Variants in ARHGAP30 observed in about 807,000 individuals in gnomAD.
ARHGAP30 encodes rho GTPase-activating protein 30.
ARHGAP30 carries 23 observed loss-of-function variants against 72.0 expected under a neutral mutation model. That is an observed-to-expected ratio of 0.32 (90% CI 0.23 to 0.45). ARHGAP30 has a LOEUF of 0.45. Ranked by LOEUF, ARHGAP30 falls within the 20% of genes least tolerant of loss-of-function variation. The pLI is 1.00. For synonymous variants in ARHGAP30, 576 were observed against 528.2 expected, an observed-to-expected ratio of 1.09 and a Z score of -1.24; for missense variants, 1,319 against 1,383.4, an observed-to-expected ratio of 0.95 and a Z score of 0.74.
intron 1 of ARHGAP30, among the ~76,000 whole-genome samples, chr1:161,063,446 A>G (rs561933690): frequency 3.7e-4 from 57 of 152,330 alleles, no homozygotes; most frequent in Non-Finnish European, 7.1e-4. Context: ...CACTTCCCCA[A>G]TCAATACCCT....
chr1:161,060,268 T>C, intron 1 of ARHGAP30: 1 of 370,516 alleles, frequency 2.7e-6, no homozygotes, highest in Non-Finnish European at 5.0e-6. Context: ...AGACCCTGTT[T>C]CAAAAAAAAA....
rs1651552685 is a variant in ARHGAP30 at position 161,053,243 on chromosome 1, A to G, written c.664+15T>C. On this transcript the variant is annotated intron_variant, in intron 6 of 11. Coordinates refer to ENST00000368013, the MANE Select transcript of ARHGAP30 (RefSeq NM_001025598.2). Reference sequence around the variant, plus strand: ...CCCAACAGTGGGATATGTGGAGGGCAGGAAGGACACTGACCAGAGAGGGCA... The same window carrying G: ...CCCAACAGTGGGATATGTGGAGGGCGGGAAGGACACTGACCAGAGAGGGCA... 1.2e-6 allele frequency: 2 copies of G among 1,613,606 alleles called. No homozygotes were observed. Among genetic ancestry groups the G allele is most frequent in the Non-Finnish European group, 8.5e-7 (1 of 1,179,848 alleles).
intron 5 of ARHGAP30, 110 bp from the exon 6 acceptor site, chr1:161,053,495 T>TCTCTC (rs1651591592): frequency 1.1e-6 from 1 of 918,890 alleles, no homozygotes; most frequent in Non-Finnish European, 1.4e-6. Context: ...TCTCTCTCTC[T>TCTCTC]CTCTCTCTCT....
Position 161,052,505 on chromosome 1 carries a change from A to C in ARHGAP30, c.875T>G (p.Ile292Ser). The change falls in exon 8 of 12, where the codon ATC (isoleucine) becomes AGC (serine). Residue 292 changes from isoleucine to serine, a missense_variant. This residue lies in a region of ARHGAP30 where 1,097 missense variants were observed against 1,045.2 expected (regional missense o/e 1.05). Transcript: ENST00000368013. ...ATGGCCAGAGCGACCTAAATTGAAG[A>C]TAGACCTCCACTTCCTGACCTTCAA... Reference protein sequence around the residue: ...GSLKVRKWRSIFNLGRSGHET... With the variant: ...GSLKVRKWRSSFNLGRSGHET... 6.2e-7 allele frequency: 1 copy of C among 1,613,828 alleles called. No individual in the cohort carries two copies. The highest frequency in any genetic ancestry group is 8.5e-7 in the Non-Finnish European group (1 of 1,179,996).
chr1:161,049,388 C>T (rs200537305), intron 11 of ARHGAP30, 36 bp downstream of exon 11: 5 of 1,598,264 alleles, frequency 3.1e-6, no homozygotes, highest in Non-Finnish European at 3.4e-6. Context: ...ACCCTTGACT[C>T]CATGCCACCC....
rs1180591832 is a variant in ARHGAP30, at chr1:161,047,032, G to A, written c.*683C>T. The A allele has an allele frequency of 2.2e-6, 1 of 462,550 alleles. No homozygotes were observed. The highest frequency in any genetic ancestry group is 2.0e-5 in the African/African-American group (1 of 49,386). The allele number at this position is 462,550 out of a possible 1,614,324, so 28.7% of individuals were successfully genotyped here. On this transcript the variant is annotated 3_prime_UTR_variant, in exon 12 of 12. Transcript: ENST00000368013. Reference sequence around the variant, plus strand: ...AGCCTGGCTGGAGAAGCAGTCCCAGGGCCTGAGTGACACCATTTCCCTTTC... The same window carrying A: ...AGCCTGGCTGGAGAAGCAGTCCCAGAGCCTGAGTGACACCATTTCCCTTTC...
chr1:161,065,865 C>T lies in ARHGAP30; in HGVS notation c.97+3663G>A, dbSNP rs535030643. On this transcript the variant is annotated intron_variant, in intron 1 of 11. Coordinates refer to ENST00000368013, the MANE Select transcript of ARHGAP30 (RefSeq NM_001025598.2). ...TACAGGCGTGAGCCACTGCACCCGG[C>T]CCCTTATTTATTTATTTATTTATTT... 1.1e-4 allele frequency among the ~76,000 whole-genome samples: 16 copies of T among 141,494 alleles called. No individual in the cohort carries two copies. In the East Asian group the frequency reaches 1.8e-3, roughly 16 times the overall value. 92.8% of individuals were successfully genotyped at this position (141,494 alleles called of 152,430 possible). A position where few individuals can be genotyped will look rare whatever the true frequency, so the allele number is the denominator to read the frequency against.
intron 2 of ARHGAP30, among the ~76,000 whole-genome samples, chr1:161,058,207 G>A (rs1211651190): frequency 1.3e-5 from 2 of 151,984 alleles, no homozygotes; most frequent in Non-Finnish European, 2.9e-5. Flanking sequence ...AGCTACTCGG[G>A]AGGCTGAGGC....
rs1370582465 is a variant in ARHGAP30 at position 161,069,346 on chromosome 1, T to C, written c.97+182A>G. Reference sequence around the variant, plus strand: ...AGAAAGTTACACAAGGGAGCCGCCCTGCCTTCTTCACTGAGCCACATTTCC... The same window carrying C: ...AGAAAGTTACACAAGGGAGCCGCCCCGCCTTCTTCACTGAGCCACATTTCC... On this transcript the variant is annotated intron_variant, in intron 1 of 11. Transcript: ENST00000368013. The surrounding 1 kb of genome is among the most constrained non-coding windows in gnomAD (Gnocchi z 4.9). Among the ~76,000 whole-genome samples the C allele has an allele frequency of 1.3e-5, 2 of 152,112 alleles. No homozygotes were observed.
At chr1:161,051,887 C>G (rs1261797995) in intron 9 of ARHGAP30, among the ~76,000 whole-genome samples, 172 bp from the exon 10 acceptor site, 2 of 152,124 alleles carry the variant, frequency 1.3e-5, no homozygotes, top group Non-Finnish European at 2.9e-5. Flanking sequence ...TTTCACCCAG[C>G]CAGTAGGTCA....
rs149661287 is a variant in ARHGAP30, at chr1:161,052,444, G to C, written c.936C>G (p.Asp312Glu). Residue 312 changes from aspartate (D) to glutamate (E), a missense_variant, in exon 8 of 12, where the codon GAC becomes GAG. Physicochemically the swap from Asp to Glu is conservative, Grantham distance 45. Transcript: ENST00000368013. ...TKRKLPRGAE[D>E]REDKSNKGTL... The stretch of plus-strand genomic sequence containing the variant: ...CCCCCATCTCCCCAGACTTACCCCT[G>C]TCCTCAGCCCCCCGTGGAAGTTTAC... 6.2e-7 allele frequency: 1 copy of C among 1,613,098 alleles called. No homozygotes were observed. The highest frequency in any genetic ancestry group is 1.3e-5 in the African/African-American group (1 of 74,562).
rs778489017 is a variant in ARHGAP30, at chr1:161,051,303, T to C, written c.1420+11A>G. 2 of 1,570,344 alleles carry C rather than the reference T, an allele frequency of 1.3e-6. No homozygotes were observed. The highest frequency in any genetic ancestry group is 2.7e-5 in the African/African-American group (2 of 73,650). On this transcript the variant is annotated intron_variant, in intron 10 of 11. Transcript: ENST00000368013. ...CCCTTTCCTAGTCTTGGTCAATCAA[T>C]GGGTCCTCACCTGGGGGGCCAGGGC...
intron 1 of ARHGAP30, among the ~76,000 whole-genome samples, chr1:161,064,819 G>GA (rs1437768324): frequency 8.2e-5 from 5 of 60,638 alleles, no homozygotes; most frequent in Admixed American, 1.7e-4. Flanking sequence ...AAGAAAGAAA[G>GA]AAAGAAAGAA....
chr1:161,059,554 T>C, intron 2 of ARHGAP30, 60 bp downstream of exon 2: 2 of 1,449,234 alleles, frequency 1.4e-6, no homozygotes, highest in Non-Finnish European at 1.9e-6. Context: ...CAACTCTTAC[T>C]GTGACCTTCT....
intron 11 of ARHGAP30, 37 bp from the exon 12 acceptor site, chr1:161,049,371 C>T (rs1460757636): frequency 5.0e-6 from 8 of 1,600,866 alleles, no homozygotes; most frequent in East Asian, 2.2e-5. Context: ...ACCAGGAGGC[C>T]CTGTCCACCC....
At chr1:161,060,006 G>T (rs1652194780) in intron 1 of ARHGAP30, 1 of 347,228 alleles carries the variant, frequency 2.9e-6, no homozygotes, top group Non-Finnish European at 5.6e-6. Context: ...GTCAGGCTGG[G>T]TGCAGTGGCT....
At chr1:161,049,754 C>G in intron 10 of ARHGAP30, 65 bp from the exon 11 acceptor site, 5 of 1,553,776 alleles carry the variant, frequency 3.2e-6, no homozygotes, top group Non-Finnish European at 3.5e-6. Flanking sequence ...AGTGTGAGTC[C>G]TCCTAGCATT....
At position 161,069,731 on chromosome 1, in the gene ARHGAP30, G is replaced by A; in HGVS notation, c.-107C>T. ...AGCTGCTGGGCTTGGCCCGGCCCCA[G>A]GGGGGCAGGGCTCCCAATTGGGGGT... On this transcript the variant is annotated 5_prime_UTR_variant, in exon 1 of 12. Transcript: ENST00000368013. The surrounding 1 kb of genome is among the most constrained non-coding windows in gnomAD (Gnocchi z 4.9). 17 of 1,251,428 alleles carry A rather than the reference G, an allele frequency of 1.4e-5. No homozygotes were observed. The South Asian group carries it at 1.9e-4, about 14-fold the overall frequency. The allele number at this position is 1,251,428 out of a possible 1,614,324, so 77.5% of individuals were successfully genotyped here. A position where few individuals can be genotyped will look rare whatever the true frequency, so the allele number is the denominator to read the frequency against.
At chr1:161,065,188 C>T (rs1052059545) in intron 1 of ARHGAP30, among the ~76,000 whole-genome samples, 10 of 152,196 alleles carry the variant, frequency 6.6e-5, no homozygotes, top group African/African-American at 2.4e-4. Context: ...GTTGGCCAGG[C>T]TGGCCTCGAA....
Sources: gnomAD v4.1 joint callset for allele counts (sites outside exome capture counted in the v4.1 genomes callset) on GRCh38, gnomAD v4.1.1 for gene constraint, gnomAD v4.1.1 regional missense constraint, Gnocchi (gnomAD v3.1) non-coding constraint, MANE v1.5 for transcripts, NCBI Gene and HGNC (gene_info 2026-07-23, HGNC 2026-07-21) for gene names.